The following SLC25A13 variants were observed in gnomAD, a reference collection of about 807,000 sequenced individuals.
The protein encoded by SLC25A13 is solute carrier family 25 member 13, also known as electrogenic aspartate/glutamate antiporter SLC25A13, mitochondrial.
In SLC25A13, 70 loss-of-function variants were observed where a neutral mutation model predicts 85.5. The ratio of observed to expected loss-of-function variants is 0.82; its 90% CI spans 0.68 to 1.00. The LOEUF (loss-of-function observed/expected upper bound fraction) is 1.00. SLC25A13 is among the 50% of genes least tolerant of loss of function. The probability of loss-of-function intolerance (pLI) is 0.00; values close to 1 mark genes in which losing one functional copy is unlikely to be tolerated. For missense variants in SLC25A13, 765 were observed against 819.8 expected (o/e 0.93, Z 0.82); for synonymous variants, 259 against 288.7 (o/e 0.90, Z 1.04).
At chr7:96,218,925 C>CA (rs1227503772) in intron 4 of SLC25A13, among the ~76,000 whole-genome samples, 2 of 152,132 alleles carry the variant, frequency 1.3e-5, no homozygotes, top group African/African-American at 2.4e-5. Context: ...ATATGGTTAA[C>CA]AACCAGCTTC....
chr7:96,269,945 C>G (rs539860661), intron 3 of SLC25A13, among the ~76,000 whole-genome samples: 1 of 152,260 alleles, frequency 6.6e-6, no homozygotes, highest in South Asian at 2.1e-4. Context: ...TGGTGGTTGC[C>G]AGGGCCTCCC....
chr7:96,243,612 T>A (rs1438636250), intron 3 of SLC25A13, among the ~76,000 whole-genome samples: 1 of 151,182 alleles, frequency 6.6e-6, no homozygotes, highest in East Asian at 1.9e-4. Context: ...TTCAGGAGAG[T>A]AATGGGGTTG....
chr7:96,157,388 T>A (rs1396122087), intron 13 of SLC25A13, among the ~76,000 whole-genome samples: 1 of 152,214 alleles, frequency 6.6e-6, no homozygotes, highest in Non-Finnish European at 1.5e-5. Context: ...TAAGCTTGAT[T>A]TCTTCTTCTC....
intron 3 of SLC25A13, among the ~76,000 whole-genome samples, chr7:96,241,449 G>T (rs1796995724): frequency 6.6e-6 from 1 of 152,150 alleles, no homozygotes; most frequent in African/African-American, 2.4e-5. Context: ...TTGATATGCA[G>T]GATACTATCC....
At chr7:96,191,515 T>C (rs997575754) in intron 6 of SLC25A13, among the ~76,000 whole-genome samples, 4 of 152,190 alleles carry the variant, frequency 2.6e-5, no homozygotes, top group Non-Finnish European at 5.9e-5. Context: ...ACAGGACTAG[T>C]AGTAATTTAG....
At chr7:96,201,972 C>T (rs943624439) in intron 5 of SLC25A13, among the ~76,000 whole-genome samples, 10 of 152,250 alleles carry the variant, frequency 6.6e-5, no homozygotes, top group South Asian at 2.1e-4. Flanking sequence ...CAACTACCGT[C>T]ACCCGGGAGC....
At chr7:96,254,422 G>A (rs1242197845) in intron 3 of SLC25A13, among the ~76,000 whole-genome samples, 1 of 152,180 alleles carries the variant, frequency 6.6e-6, no homozygotes, top group African/African-American at 2.4e-5. Context: ...GGCTTTCCCA[G>A]ATCTCCAGCT....
chr7:96,248,250 G>T (rs916979412), intron 3 of SLC25A13, among the ~76,000 whole-genome samples: 19 of 152,198 alleles, frequency 1.2e-4, no homozygotes, highest in Admixed American at 9.2e-4. Flanking sequence ...CATATAAAAA[G>T]AAAATGAATC....
intron 2 of SLC25A13, among the ~76,000 whole-genome samples, chr7:96,291,225 A>C (rs1219274601): frequency 6.6e-6 from 1 of 152,184 alleles, no homozygotes; most frequent in African/African-American, 2.4e-5. Flanking sequence ...CGTTCTTTGA[A>C]ACCAATGAGA....
intron 13 of SLC25A13, among the ~76,000 whole-genome samples, chr7:96,164,846 C>T (rs993102121): frequency 4.0e-5 from 6 of 151,884 alleles, no homozygotes; most frequent in African/African-American, 1.5e-4. Flanking sequence ...CATCTATATG[C>T]TTTCTATTCT....
intron 4 of SLC25A13, among the ~76,000 whole-genome samples, chr7:96,214,129 T>C (rs1304711317): frequency 6.6e-6 from 1 of 152,202 alleles, no homozygotes; most frequent in Non-Finnish European, 1.5e-5. Flanking sequence ...GCCGCATTTG[T>C]TTATATCATG....
chr7:96,164,746 A>ACACACACACACACACACACACACACAC (rs1554344473), intron 13 of SLC25A13, among the ~76,000 whole-genome samples: 1 of 151,722 alleles, frequency 6.6e-6, no homozygotes, highest in African/African-American at 2.4e-5. Flanking sequence ...ACACACACAC[A>ACACACACACACACACACACACACACAC]AAAGAAGCAG....
Position 96,120,978 on chromosome 7 carries a change from G to T in SLC25A13, c.*213C>A. The stretch of plus-strand genomic sequence containing the variant: ...TTTCAGATGCAAACAAAGGTTTCTG[G>T]GCAGAGGGCCAAATAATAATTATGA... On this transcript the variant is annotated 3_prime_UTR_variant, in exon 18 of 18. Transcript: ENST00000265631. 1 of 688,236 alleles carries T rather than the reference G, an allele frequency of 1.5e-6. No individual in the cohort carries two copies. Among genetic ancestry groups the T allele is most frequent in the Non-Finnish European group, 2.6e-6 (1 of 385,220 alleles). 42.6% of individuals were successfully genotyped at this position (688,236 alleles called of 1,614,324 possible). A position where few individuals can be genotyped will look rare whatever the true frequency, so the allele number is the denominator to read the frequency against.
chr7:96,135,736 C>T (rs765076953), intron 14 of SLC25A13, among the ~76,000 whole-genome samples: 2 of 151,938 alleles, frequency 1.3e-5, no homozygotes, highest in Non-Finnish European at 2.9e-5. Context: ...GAGCCTGCAT[C>T]AGCAACACAA....
In SLC25A13 at chr7:96,184,409, T is replaced by G. The variant is rs780785774; in HGVS notation, c.1045A>C (p.Ile349Leu). 6.2e-7 allele frequency: 1 copy of G among 1,614,044 alleles called. No individual in the cohort carries two copies. Among genetic ancestry groups the G allele is most frequent in the East Asian group, 2.2e-5 (1 of 44,880 alleles). ...GAVGATAVYP[I>L]DLVKTRMQNQ... Reference sequence around the variant, plus strand: ...TGCATTCGAGTTTTTACAAGATCGATAGGATACACAGCAGTGGCTCCAACA... The same window carrying G: ...TGCATTCGAGTTTTTACAAGATCGAGAGGATACACAGCAGTGGCTCCAACA... Residue 349 changes from isoleucine (I) to leucine (L), a missense_variant, in exon 11 of 18, where the codon ATC becomes CTC. By Grantham distance (5) the Ile-to-Leu change is conservative. Transcript: ENST00000265631.
chr7:96,272,414 T>G (rs1455777640), intron 3 of SLC25A13, among the ~76,000 whole-genome samples: 2 of 152,216 alleles, frequency 1.3e-5, no homozygotes, highest in African/African-American at 4.8e-5. Flanking sequence ...ATTTCCCAGC[T>G]CTTTTCACTG....
chr7:96,271,962 T>G (rs370247050), intron 3 of SLC25A13, among the ~76,000 whole-genome samples: 1 of 152,156 alleles, frequency 6.6e-6, no homozygotes, highest in Non-Finnish European at 1.5e-5. Context: ...CTTGGCTCAC[T>G]GCAGCCTCCA....
At chr7:96,288,128 AGAAACTG>A (rs1798960859) in intron 2 of SLC25A13, among the ~76,000 whole-genome samples, 1 of 152,170 alleles carries the variant, frequency 6.6e-6, no homozygotes. Flanking sequence ...TTTCCAACTT[AGAAACTG>A]TATACTGTAT....
intron 3 of SLC25A13, among the ~76,000 whole-genome samples, chr7:96,243,365 C>T (rs954413794): frequency 2.6e-5 from 4 of 152,178 alleles, no homozygotes; most frequent in Non-Finnish European, 4.4e-5. Context: ...AAATTGACAA[C>T]ATCTATGTCC....
Sources: allele counts gnomAD v4.1 joint callset (sites outside exome capture counted in the v4.1 genomes callset), GRCh38; gene constraint gnomAD v4.1.1; transcripts MANE v1.5; gene names NCBI Gene and HGNC (gene_info 2026-07-23, HGNC 2026-07-21).